The following JAG2 variants were observed in gnomAD, a reference collection of about 807,000 sequenced individuals.
The protein encoded by JAG2 is protein jagged-2.
JAG2 carries 46 observed loss-of-function variants against 141.7 expected under a neutral mutation model. The observed-to-expected ratio is 0.32, with a 90% CI of 0.26 to 0.42. The LOEUF (loss-of-function observed/expected upper bound fraction) is 0.42, where lower values mean the gene tolerates loss of function less well. JAG2 is among the 10% of genes least tolerant of loss of function. The pLI, the probability that JAG2 is intolerant of heterozygous loss-of-function variation, is 1.00. For synonymous variants in JAG2, 862 were observed against 763.5 expected, an observed-to-expected ratio of 1.13 and a Z score of -2.13; for missense variants, 1,500 against 1,817.5, an observed-to-expected ratio of 0.83 and a Z score of 3.18.
intron 2 of JAG2, among the ~76,000 whole-genome samples, chr14:105,158,135 C>A (rs1888632314): frequency 6.6e-6 from 1 of 152,106 alleles, no homozygotes; most frequent in Admixed American, 6.5e-5. Context: ...GACAGGGGCC[C>A]CATGGGCAGC....
Position 105,168,653 on chromosome 14 carries a change from T to C in JAG2, c.-233A>G, listed in dbSNP as rs1291932183. On this transcript the variant is annotated 5_prime_UTR_variant, in exon 1 of 26. Transcript: ENST00000331782. ...AGCTCCGGCTCGCTGGCGGCCGCGC[T>C]CCGGCTGCCCGGCCCGGCTCCCACC... 1 of 144,790 alleles carries C rather than the reference T, an allele frequency of 6.9e-6. No individual in the cohort carries two copies. Among genetic ancestry groups the C allele is most frequent in the African/African-American group, 2.6e-5 (1 of 39,176 alleles). 9.0% of individuals were successfully genotyped at this position (144,790 alleles called of 1,614,324 possible).
chr14:105,164,466 G>A (rs587647194), intron 2 of JAG2, among the ~76,000 whole-genome samples: 1 of 152,338 alleles, frequency 6.6e-6, no homozygotes, highest in African/African-American at 2.4e-5. Flanking sequence ...TGGGAAGGAG[G>A]GGGGTGGTCC....
chr14:105,151,799 C>T lies in JAG2; in HGVS notation c.1040-60G>A, dbSNP rs587651513. ...CCAGGCCCCCAGCTTTCCACAAGCA[C>T]TCCTCCCCAAGCCCACAGGTTCCCA... On this transcript the variant is annotated intron_variant, in intron 7 of 25. Coordinates refer to ENST00000331782, the MANE Select transcript of JAG2 (RefSeq NM_002226.5). 33 of 1,600,332 alleles carry T rather than the reference C, an allele frequency of 2.1e-5. 1 individual carries two copies. The South Asian group carries it at 3.4e-4, about 17-fold the overall frequency.
Position 105,155,618 on chromosome 14 carries a change from C to A in JAG2, c.732G>T (p.Val244=). Residue 244 remains valine, a synonymous_variant, in exon 5 of 26, where the codon GTG becomes GTT. Transcript: ENST00000331782. The part of the protein sequence containing the change: ...GWMGKECKEA[V]CKQGCNLLHG... ...GGAGCAAATTACACCCTTGTTTACA[C>A]ACAGCTGCGAACAGAGAGGAGCGAG... is the stretch of plus-strand genomic sequence containing the variant. The A allele has an allele frequency of 1.2e-6, 2 of 1,612,844 alleles. 1 individual carries two copies.
At position 105,155,741 on chromosome 14, in the gene JAG2, C is replaced by T. The variant is rs1266484163; in HGVS notation, c.724G>A (p.Glu242Lys). The T allele has an allele frequency of 6.2e-7, 1 of 1,612,728 alleles. No individual in the cohort carries two copies. Among genetic ancestry groups the T allele is most frequent in the African/African-American group, 1.3e-5 (1 of 75,060 alleles). ...MDGWMGKECK[E>K]AVCKQGCNLL... ...CGCAGCCCAGCGGCCCCCTCACCTT[C>T]CTTGCACTCCTTGCCCATCCAGCCG... The change falls in exon 4 of 26, where the codon GAA becomes AAA. Residue 242 changes from glutamate (E) to lysine (K), a missense_variant. Around this residue, in one of 3 missense-constraint regions of JAG2, gnomAD observed 875 missense variants for 1,202.2 expected, o/e 0.73. Transcript: ENST00000331782.
In JAG2 at chr14:105,143,505, A is replaced by T. The variant is rs1185374104; in HGVS notation, c.3218T>A (p.Val1073Asp). 6.4e-7 allele frequency: 1 copy of T among 1,568,226 alleles called. No homozygotes were observed. Among genetic ancestry groups the T allele is most frequent in the African/African-American group, 1.3e-5 (1 of 74,466 alleles). The change falls in exon 25 of 26, where the codon GTT becomes GAT. Residue 1073 changes from valine to aspartate, a missense_variant. Val to Asp is a radical substitution (Grantham distance 152). Transcript: ENST00000331782. ...LAVTEVKVET[V>D]VTGGSSTGLL... is the part of the protein sequence containing the mutation. The stretch of plus-strand genomic sequence containing the variant: ...ACCTGTGGAAGAGCCGCCCGTAACA[A>T]CCGTCTCCACCTTGACCTCGGTGAC...
At chr14:105,157,886 C>T (rs1014934287) in intron 2 of JAG2, 123 bp from the exon 3 acceptor site, 4 of 868,636 alleles carry the variant, frequency 4.6e-6, no homozygotes, top group African/African-American at 3.3e-5. Context: ...CCTTCCTCCC[C>T]AGCCAGGGAC....
At position 105,147,791 on chromosome 14, in the gene JAG2, C is replaced by T; in HGVS notation, c.2346G>A (p.Glu782=). 6.5e-7 allele frequency: 1 copy of T among 1,548,832 alleles called. No individual in the cohort carries two copies. Among genetic ancestry groups the T allele is most frequent in the Non-Finnish European group, 8.7e-7 (1 of 1,146,800 alleles). ...ACTCACTGTGAGTGCAAGTACGACC[C>T]TCCCAGCCGTCCCGGCAGATGCAGG... ...SFSCICRDGW[E]GRTCTHNTND... The change falls in exon 18 of 26, where the codon GAG becomes GAA. Residue 782 remains glutamate, a synonymous_variant. Transcript: ENST00000331782.
Position 105,151,525 on chromosome 14 carries a change from G to T in JAG2, c.1153+101C>A, listed in dbSNP as rs926436286. 9.0e-6 allele frequency: 12 copies of T among 1,326,118 alleles called. No homozygotes were observed. In the Admixed American group the frequency reaches 2.3e-4, roughly 26 times the overall value. The allele number at this position is 1,326,118 out of a possible 1,614,324, so 82.1% of individuals were successfully genotyped here. A position where few individuals can be genotyped will look rare whatever the true frequency, so the allele number is the denominator to read the frequency against. On this transcript the variant is annotated intron_variant, in intron 8 of 25. Transcript: ENST00000331782. ...CTCGCCAAGCCAGCCGCAGCCACAC[G>T]TGTGGACTTGACCACTGCACCCCAT...
chr14:105,156,849 C>G (rs1279822294), intron 3 of JAG2, among the ~76,000 whole-genome samples: 2 of 152,128 alleles, frequency 1.3e-5, no homozygotes, highest in Non-Finnish European at 2.9e-5. Flanking sequence ...TCTGCCACCC[C>G]CTCAGGAAAC....
In JAG2 at chr14:105,150,751, C is replaced by G. The variant is rs928132855; in HGVS notation, c.1455G>C (p.Val485=). Residue 485 remains valine, a synonymous_variant, in exon 12 of 26, where the codon GTG becomes GTC. Transcript: ENST00000331782. Reference sequence around the variant, plus strand: ...GCCGGCCTCCGAAGCCCCGTGGGCACACACACTGGTACCCGTTCACCAGGT... The same window carrying G: ...GCCGGCCTCCGAAGCCCCGTGGGCAGACACACTGGTACCCGTTCACCAGGT... ...CKDLVNGYQC[V]CPRGFGGRHC... The G allele has an allele frequency of 3.8e-6, 6 of 1,587,314 alleles. No individual in the cohort carries two copies. The African/African-American group carries it at 8.1e-5, about 21-fold the overall frequency.
chr14:105,151,580 C>G (rs1042405177), intron 8 of JAG2, 46 bp downstream of exon 8: 2 of 1,490,982 alleles, frequency 1.3e-6, no homozygotes, highest in African/African-American at 2.8e-5. Flanking sequence ...TCCCAGACCC[C>G]CACTGATACT....
chr14:105,148,411 G>A lies in JAG2; in HGVS notation c.2049C>T (p.Cys683=). The change falls in exon 16 of 26, where the codon TGC becomes TGT. Residue 683 remains cysteine, a synonymous_variant. Coordinates refer to ENST00000331782, the MANE Select transcript of JAG2 (RefSeq NM_002226.5). ...TNPNDCLPDP[C]HSRGRCYDLV... is the part of the protein sequence containing the mutation. ...GGTCGTAGCAGCGGCCGCGGCTGTG[G>A]CAGGGATCGGGAAGGCAGTCGTTGG... The A allele has an allele frequency of 6.2e-7, 1 of 1,612,028 alleles. No homozygotes were observed. Among genetic ancestry groups the A allele is most frequent in the Non-Finnish European group, 8.5e-7 (1 of 1,179,490 alleles).
In JAG2 at chr14:105,146,572, C is replaced by A. The variant is rs1404668456; in HGVS notation, c.2593+39G>T. 5 of 1,606,694 alleles carry A rather than the reference C, an allele frequency of 3.1e-6. No individual in the cohort carries two copies. In the Admixed American group the frequency reaches 5.0e-5, roughly 16 times the overall value. On this transcript the variant is annotated intron_variant, in intron 21 of 25. Transcript: ENST00000331782. Reference sequence around the variant, plus strand: ...CGGGGCTGGGTGTCACCCATGCCCCCCAACCCGCCCCAACCCAGGGCAATC... The same window carrying A: ...CGGGGCTGGGTGTCACCCATGCCCCACAACCCGCCCCAACCCAGGGCAATC...
intron 19 of JAG2, 28 bp from the exon 20 acceptor site, chr14:105,147,439 G>A (rs769704161): frequency 6.2e-7 from 1 of 1,609,418 alleles, no homozygotes; most frequent in Admixed American, 1.7e-5. Flanking sequence ...GGCATCAGGT[G>A]GCCCCCCGTG....
In JAG2 at chr14:105,167,184, T is replaced by C. The variant is rs1888939344; in HGVS notation, c.417+573A>G. Among the ~76,000 whole-genome samples, 1 of 152,222 alleles carries C rather than the reference T, an allele frequency of 6.6e-6. No homozygotes were observed. Among genetic ancestry groups the C allele is most frequent in the South Asian group, 2.1e-4 (1 of 4,838 alleles). On this transcript the variant is annotated intron_variant, in intron 2 of 25. Transcript: ENST00000331782. The surrounding 1 kb of genome is among the most constrained non-coding windows in gnomAD (Gnocchi z 4.8). Reference sequence around the variant, plus strand: ...ACAGGGCAGTGCCACAGAAGGTCACTGCACCAGGATCCACTATCTCTGTCT... The same window carrying C: ...ACAGGGCAGTGCCACAGAAGGTCACCGCACCAGGATCCACTATCTCTGTCT...
At position 105,148,970 on chromosome 14, in the gene JAG2, C is replaced by T. The variant is rs1441001145; in HGVS notation, c.1873G>A (p.Asp625Asn). ...QPGGNFSCIC[D>N]SGFTGTYCHE... The stretch of plus-strand genomic sequence containing the variant: ...CAGTAGGTGCCAGTAAAGCCACTGT[C>T]ACAGATGCAGGAAAAGTTGCCCCCT... Residue 625 changes from aspartate (D) to asparagine (N), a missense_variant, in exon 14 of 26, where the codon GAC becomes AAC. Coordinates refer to ENST00000331782, the MANE Select transcript of JAG2 (RefSeq NM_002226.5). 1 of 1,607,656 alleles carries T rather than the reference C, an allele frequency of 6.2e-7. No homozygotes were observed. Among genetic ancestry groups the T allele is most frequent in the Non-Finnish European group, 8.5e-7 (1 of 1,177,708 alleles).
chr14:105,151,559 A>C, intron 8 of JAG2, 67 bp downstream of exon 8: 1 of 1,402,294 alleles, frequency 7.1e-7, no homozygotes, highest in Non-Finnish European at 9.9e-7. Flanking sequence ...ATCCCCAGCG[A>C]GTTGCCCCAC....
intron 10 of JAG2, 21 bp from the exon 11 acceptor site, chr14:105,150,932 T>A: frequency 6.3e-7 from 1 of 1,597,054 alleles, no homozygotes; most frequent in Non-Finnish European, 8.5e-7. Context: ...AGGAGCAGGG[T>A]CAGAGGCGGG....
Sources: gnomAD v4.1 joint callset for allele counts (sites outside exome capture counted in the v4.1 genomes callset) on GRCh38, gnomAD v4.1.1 for gene constraint, gnomAD v4.1.1 regional missense constraint, Gnocchi (gnomAD v3.1) non-coding constraint, MANE v1.5 for transcripts, NCBI Gene and HGNC (gene_info 2026-07-23, HGNC 2026-07-21) for gene names.